The following TRMU variants were observed in gnomAD, a reference collection of about 807,000 sequenced individuals.
TRMU encodes the protein tRNA mitochondrial 2-thiouridylase.
TRMU carries 49 observed loss-of-function variants against 46.9 expected under a neutral mutation model. That is an observed-to-expected ratio of 1.05 (90% confidence interval 0.83 to 1.33). TRMU has a LOEUF of 1.33. Ranked by LOEUF, TRMU falls within the 40% of genes most tolerant of loss-of-function variation. TRMU has a pLI of 0.00. For synonymous variants in TRMU, 241 were observed against 200.9 expected, an observed-to-expected ratio of 1.20 and a Z score of -1.69; for missense variants, 572 against 532.4, an observed-to-expected ratio of 1.07 and a Z score of -0.73.
intron 5 of TRMU, 25 bp from the exon 6 acceptor site, chr22:46,352,096 C>G: frequency 1.1e-5 from 17 of 1,612,174 alleles, no homozygotes; most frequent in Non-Finnish European, 1.4e-5. Context: ...CTGCTCCTCT[C>G]ACGGCTGCCG....
rs763685916 is a variant in TRMU, at chr22:46,353,968, C to G, written c.873+101C>G. ...AGAAGGCCTCCAGCAGCCGTGGCTT[C>G]CTGGAGGCTGTGACTAACTCTGTTC... On this transcript the variant is annotated intron_variant, in intron 8 of 10. Coordinates refer to ENST00000645190, the MANE Select transcript of TRMU (RefSeq NM_018006.5). 13 of 1,087,658 alleles carry G rather than the reference C, an allele frequency of 1.2e-5. No homozygotes were observed. In the Admixed American group the frequency reaches 2.4e-4, roughly 20 times the overall value. The allele number at this position is 1,087,658 out of a possible 1,614,324, so 67.4% of individuals were successfully genotyped here. A position where few individuals can be genotyped will look rare whatever the true frequency, so the allele number is the denominator to read the frequency against.
rs1230466047 is a variant in TRMU, at chr22:46,335,859, A to T, written c.82+13A>T. The stretch of plus-strand genomic sequence containing the variant: ...CTGAGGCGGAGAGGTGAGGCGTCCG[A>T]GGCTCCCGCCCCCCGCCGAGCGAAT... On this transcript the variant is annotated intron_variant, in intron 1 of 10. Transcript: ENST00000645190. The T allele has an allele frequency of 6.5e-7, 1 of 1,536,630 alleles. No individual in the cohort carries two copies. The highest frequency in any genetic ancestry group is 8.7e-7 in the Non-Finnish European group (1 of 1,147,108).
At position 46,351,817 on chromosome 22, in the gene TRMU, G is replaced by A. The variant is rs1477475793; in HGVS notation, c.652-304G>A. The A allele has an allele frequency of 1.0e-5, 5 of 481,526 alleles. No homozygotes were observed. The highest frequency in any genetic ancestry group is 2.0e-5 in the South Asian group (1 of 49,806). The allele number at this position is 481,526 out of a possible 1,614,324, so 29.8% of individuals were successfully genotyped here. ...GGTCCCTGTCTCTCCCCCACTCCTC[G>A]CAGGACAGTGGCCTGAAGGACCTGA... On this transcript the variant is annotated intron_variant, in intron 5 of 10. Transcript: ENST00000645190. The surrounding 1 kb of genome is among the most constrained non-coding windows in gnomAD (Gnocchi z 6.4).
chr22:46,345,698 C>T (rs774430321), intron 3 of TRMU, among the ~76,000 whole-genome samples: 2 of 152,082 alleles, frequency 1.3e-5, no homozygotes, highest in Non-Finnish European at 2.9e-5. Flanking sequence ...TCTGTAAGGA[C>T]CCCCATTGTT....
intron 2 of TRMU, among the ~76,000 whole-genome samples, 165 bp from the exon 3 acceptor site, chr22:46,343,097 G>A (rs7364266): frequency 1.3e-5 from 2 of 152,324 alleles, no homozygotes; most frequent in East Asian, 3.9e-4. Flanking sequence ...CCATGCAGCA[G>A]GTTATAAACA....
At chr22:46,353,619 G>C in intron 7 of TRMU, 148 bp from the exon 8 acceptor site, 1 of 709,730 alleles carries the variant, frequency 1.4e-6, no homozygotes, top group Non-Finnish European at 2.5e-6. Flanking sequence ...GGCTGGCTTT[G>C]GTGGTTGGAG....
Position 46,353,837 on chromosome 22 carries a change from G to C in TRMU, c.843G>C (p.Glu281Asp). 1.2e-6 allele frequency: 2 copies of C among 1,613,978 alleles called. No individual in the cohort carries two copies. The highest frequency in any genetic ancestry group is 1.7e-6 in the Non-Finnish European group (2 of 1,179,896). ...GGLREPWYVV[E>D]KDSVKGDVFV... ...TGAGAGAGCCCTGGTACGTGGTGGA[G>C]AAGGACAGCGTCAAGGGTGACGTGT... The change falls in exon 8 of 11, where the codon GAG becomes GAC. Residue 281 changes from glutamate to aspartate, a missense_variant. By Grantham distance (45) the Glu-to-Asp change is conservative. Coordinates refer to ENST00000645190, the MANE Select transcript of TRMU (RefSeq NM_018006.5).
rs749940670 is a variant in TRMU at position 46,352,070 on chromosome 22, TG to T, written c.652-48del. The T allele has an allele frequency of 2.4e-5, 39 of 1,603,656 alleles. No individual in the cohort carries two copies. In the African/African-American group the frequency reaches 4.8e-4, roughly 20 times the overall value. The stretch of plus-strand genomic sequence containing the variant: ...CCGCTCAGGACGTCTGGGTACAGCT[TG>T]GGCCACCGCCACTTCTGCTCCTCTC... On this transcript the variant is annotated intron_variant, in intron 5 of 10. Transcript: ENST00000645190.
At position 46,351,896 on chromosome 22, in the gene TRMU, G is replaced by A. The variant is rs1173341910; in HGVS notation, c.652-225G>A. ...CTGGTGTGAGGGTCTCCCGCGCAGG[G>A]TCAGACCCCGCGGGCCGAGACAATG... On this transcript the variant is annotated intron_variant, in intron 5 of 10. Coordinates refer to ENST00000645190, the MANE Select transcript of TRMU (RefSeq NM_018006.5). The surrounding 1 kb of genome is among the most constrained non-coding windows in gnomAD (Gnocchi z 6.4). The A allele has an allele frequency of 6.0e-6, 4 of 662,280 alleles. No homozygotes were observed. Among genetic ancestry groups the A allele is most frequent in the Non-Finnish European group, 1.1e-5 (4 of 367,928 alleles). 41.0% of individuals were successfully genotyped at this position (662,280 alleles called of 1,614,324 possible).
In TRMU at chr22:46,338,334, G is replaced by T; in HGVS notation, c.248+390G>T. The T allele has an allele frequency of 3.7e-6, 1 of 270,818 alleles. No homozygotes were observed. Among genetic ancestry groups the T allele is most frequent in the Non-Finnish European group, 7.3e-6 (1 of 136,394 alleles). The allele number at this position is 270,818 out of a possible 1,614,324, so 16.8% of individuals were successfully genotyped here. ...ATTTCTGAGAAAGAGGTGATACATGGCCTGTGCCTCTGAAAACAAGAAACA... is the reference window on the plus strand; with the variant it reads ...ATTTCTGAGAAAGAGGTGATACATGTCCTGTGCCTCTGAAAACAAGAAACA... On this transcript the variant is annotated intron_variant, in intron 2 of 10. Transcript: ENST00000645190. This position sits in a 1 kb window ranked among gnomAD's most constrained non-coding sequence, Gnocchi z 4.5.
In TRMU at chr22:46,356,981, G is replaced by T; in HGVS notation, c.1241G>T (p.Gly414Val). The change falls in exon 11 of 11, where the codon GGT becomes GTT. Residue 414 changes from glycine to valine, a missense_variant. By Grantham distance (109) the Gly-to-Val change is moderately radical. Coordinates refer to ENST00000645190, the MANE Select transcript of TRMU (RefSeq NM_018006.5). ...TESPSDSPEDGPGLSPLL is the reference protein window; with the variant it reads ...TESPSDSPEDVPGLSPLL The stretch of plus-strand genomic sequence containing the variant: ...AGCCCCAGTGACAGCCCAGAAGATG[G>T]TCCAGGCCTGAGTCCCTTGCTCTGA... 6.2e-7 allele frequency: 1 copy of T among 1,613,588 alleles called. No individual in the cohort carries two copies. The highest frequency in any genetic ancestry group is 8.5e-7 in the Non-Finnish European group (1 of 1,180,014).
In TRMU at chr22:46,348,992, A is replaced by G. The variant is rs1481788136; in HGVS notation, c.479-1299A>G. 6.6e-6 allele frequency among the ~76,000 whole-genome samples: 1 copy of G among 152,092 alleles called. No individual in the cohort carries two copies. Among genetic ancestry groups the G allele is most frequent in the Non-Finnish European group, 1.5e-5 (1 of 67,996 alleles). ...TACTACAAATACAAAAAAAAAAGTT[A>G]GCCGAGTATGGTGGCACATGCCTGT... On this transcript the variant is annotated intron_variant, in intron 4 of 10. Transcript: ENST00000645190. This position sits in a 1 kb window ranked among gnomAD's most constrained non-coding sequence, Gnocchi z 4.8.
chr22:46,346,172 C>T (rs901721346), intron 3 of TRMU, among the ~76,000 whole-genome samples: 4 of 151,998 alleles, frequency 2.6e-5, no homozygotes, highest in African/African-American at 9.7e-5. Flanking sequence ...TTTGGAAAGG[C>T]TCTTAAAGGT....
rs1008443151 is a variant in TRMU at position 46,335,904 on chromosome 22, C to T, written c.82+58C>T. 12 of 1,527,050 alleles carry T rather than the reference C, an allele frequency of 7.9e-6. No homozygotes were observed. The African/African-American group carries it at 1.5e-4, about 19-fold the overall frequency. The allele number at this position is 1,527,050 out of a possible 1,614,324, so 94.6% of individuals were successfully genotyped here. ...GCGAATGTGTCCCCGGAAACCTGTC[C>T]CCGTCCGTCGTGGCGTTGTGCACGT... On this transcript the variant is annotated intron_variant, in intron 1 of 10. Coordinates refer to ENST00000645190, the MANE Select transcript of TRMU (RefSeq NM_018006.5).
intron 2 of TRMU, among the ~76,000 whole-genome samples, chr22:46,340,209 G>T (rs767022749): frequency 6.6e-6 from 1 of 152,188 alleles, no homozygotes; most frequent in Non-Finnish European, 1.5e-5. Flanking sequence ...GGTGTGGGGG[G>T]TTGTCAGGGT....
At chr22:46,356,121 C>T (rs748525822) in intron 10 of TRMU, 49 bp downstream of exon 10, 2 of 1,600,604 alleles carry the variant, frequency 1.2e-6, no homozygotes, top group South Asian at 2.2e-5. Flanking sequence ...CTGCTCTGCA[C>T]CCTGCCAGGG....
rs187972724 is a variant in TRMU, at chr22:46,339,773, C to T, written c.248+1829C>T. Among the ~76,000 whole-genome samples the T allele has an allele frequency of 7.2e-5, 11 of 152,234 alleles. No homozygotes were observed. The highest frequency in any genetic ancestry group is 2.6e-4 in the African/African-American group (11 of 41,524). On this transcript the variant is annotated intron_variant, in intron 2 of 10. Coordinates refer to ENST00000645190, the MANE Select transcript of TRMU (RefSeq NM_018006.5). The surrounding 1 kb of genome is among the most constrained non-coding windows in gnomAD (Gnocchi z 4.8). ...AATATGAACCCTCTGTGACTCTATGCTATAACATATGGGTGTCGTATATAT... is the reference window on the plus strand; with the variant it reads ...AATATGAACCCTCTGTGACTCTATGTTATAACATATGGGTGTCGTATATAT...
At chr22:46,337,015 A>C (rs748212782) in intron 1 of TRMU, among the ~76,000 whole-genome samples, 1 of 152,188 alleles carries the variant, frequency 6.6e-6, no homozygotes, top group Non-Finnish European at 1.5e-5. Context: ...ATGCTATACC[A>C]GGGGCTTTAG....
Position 46,357,207 on chromosome 22 carries a change from CATCTGCTGGCTGGTGGGGT to C in TRMU, c.*202_*220del. 1.4e-6 allele frequency: 1 copy of C among 698,336 alleles called. No homozygotes were observed. The highest frequency in any genetic ancestry group is 1.8e-5 in the African/African-American group (1 of 55,882). The allele number at this position is 698,336 out of a possible 1,614,324, so 43.3% of individuals were successfully genotyped here. A position where few individuals can be genotyped will look rare whatever the true frequency, so the allele number is the denominator to read the frequency against. On this transcript the variant is annotated 3_prime_UTR_variant, in exon 11 of 11. Coordinates refer to ENST00000645190, the MANE Select transcript of TRMU (RefSeq NM_018006.5). Reference sequence around the variant, plus strand: ...CAGGCTGGGGCTCTGGCTGCTGGAGCATCTGCTGGCTGGTGGGGTGGCCCGAGTTCCCCTTCACCGCCCC... The same window carrying C: ...CAGGCTGGGGCTCTGGCTGCTGGAGCGGCCCGAGTTCCCCTTCACCGCCCC...
Sources: allele counts gnomAD v4.1 joint callset (sites outside exome capture counted in the v4.1 genomes callset), GRCh38; gene constraint gnomAD v4.1.1; non-coding constraint Gnocchi (gnomAD v3.1); transcripts MANE v1.5; gene names NCBI Gene and HGNC (gene_info 2026-07-23, HGNC 2026-07-21).